The following CFAP46 variants were observed in gnomAD, a reference collection of about 807,000 sequenced individuals.
CFAP46 encodes the protein cilia and flagella associated protein 46.
A neutral mutation model predicts 325.7 loss-of-function variants in CFAP46; 245 were observed. That is an observed-to-expected ratio of 0.75 (90% CI 0.68 to 0.84). CFAP46 has a LOEUF of 0.84. CFAP46 is among the 40% of genes least tolerant of loss of function. The pLI, the probability that CFAP46 is intolerant of heterozygous loss-of-function variation, is 0.00. For synonymous variants in CFAP46, 1,523 were observed against 1,495.9 expected, an observed-to-expected ratio of 1.02 and a Z score of -0.42; for missense variants, 3,346 against 3,543.0, an observed-to-expected ratio of 0.94 and a Z score of 1.41.
intron 32 of CFAP46, 164 bp downstream of exon 32, chr10:132,872,512 A>G: frequency 1.1e-6 from 1 of 914,706 alleles, no homozygotes; most frequent in Non-Finnish European, 1.7e-6. Context: ...TCCCGTCCCA[A>G]CCAAAAATAC....
Position 132,812,713 on chromosome 10 carries a change from G to A in CFAP46, c.7501+72C>T. 6.5e-6 allele frequency: 7 copies of A among 1,072,028 alleles called. No individual in the cohort carries two copies. In the South Asian group the frequency reaches 9.2e-5, roughly 14 times the overall value. 66.4% of individuals were successfully genotyped at this position (1,072,028 alleles called of 1,614,324 possible). A position where few individuals can be genotyped will look rare whatever the true frequency, so the allele number is the denominator to read the frequency against. ...GGGGGCAGCACCAGCAGGTGACAGTGGCCCTGCTCTGCCCTCAGGCGGGTT... is the reference window on the plus strand; with the variant it reads ...GGGGGCAGCACCAGCAGGTGACAGTAGCCCTGCTCTGCCCTCAGGCGGGTT... On this transcript the variant is annotated intron_variant, in intron 55 of 57. Transcript: ENST00000368586.
intron 50 of CFAP46, among the ~76,000 whole-genome samples, chr10:132,822,791 CTGTG>C (rs1230113770): frequency 2.7e-5 from 3 of 109,544 alleles, no homozygotes; most frequent in East Asian, 3.1e-4. Context: ...CTTGTGTGTG[CTGTG>C]TGTGTGCTGA....
At chr10:132,849,911 C>T (rs555020812) in intron 41 of CFAP46, among the ~76,000 whole-genome samples, 7 of 152,312 alleles carry the variant, frequency 4.6e-5, no homozygotes, top group Non-Finnish European at 8.8e-5. Context: ...CTGCGGGACA[C>T]ACCAGTTGCG....
chr10:132,871,123 C>T (rs1467868858), intron 32 of CFAP46, among the ~76,000 whole-genome samples: 3 of 151,442 alleles, frequency 2.0e-5, no homozygotes, highest in Non-Finnish European at 4.4e-5. Flanking sequence ...GGTGACAGCA[C>T]ATCTGTTGAC....
chr10:132,903,539 G>GA (rs2135498296), intron 22 of CFAP46, among the ~76,000 whole-genome samples: 1 of 152,374 alleles, frequency 6.6e-6, no homozygotes, highest in South Asian at 2.1e-4. Flanking sequence ...CCCTTAGGCA[G>GA]AATGCGGAGC....
rs1326444251 is a variant in CFAP46 at position 132,892,368 on chromosome 10, T to C, written c.3269A>G (p.Gln1090Arg). ...LLHQWPTADF[Q>R]GGGTTEGYFL... ...ATATCCTTCGGTCGTCCCGCCACCC[T>C]GGAAGTCGGCCGTGGGCCACTGGTG... Residue 1090 changes from glutamine to arginine, a missense_variant, in exon 25 of 58, where the codon CAG (glutamine) becomes CGG (arginine). Physicochemically the swap from Gln to Arg is conservative, Grantham distance 43. Coordinates refer to ENST00000368586, the MANE Select transcript of CFAP46 (RefSeq NM_001200049.3). 1.9e-6 allele frequency: 3 copies of C among 1,550,854 alleles called. No individual in the cohort carries two copies. The highest frequency in any genetic ancestry group is 2.6e-6 in the Non-Finnish European group (3 of 1,147,042).
chr10:132,814,819 TC>T (rs760269357), intron 51 of CFAP46, 24 bp downstream of exon 51: 3 of 1,613,980 alleles, frequency 1.9e-6, no homozygotes, highest in Admixed American at 3.3e-5. Context: ...ACCAGCCCGA[TC>T]CCCTATCACA....
rs374332810 is a variant in CFAP46 at position 132,924,251 on chromosome 10, G to A, written c.1256+445C>T. ...CTGATGCCTGCCGCCTGCCTGCCATGGTCCACCGTGATGCCTGCCGCCTGC... is the reference window on the plus strand; with the variant it reads ...CTGATGCCTGCCGCCTGCCTGCCATAGTCCACCGTGATGCCTGCCGCCTGC... On this transcript the variant is annotated intron_variant, in intron 11 of 57. Coordinates refer to ENST00000368586, the MANE Select transcript of CFAP46 (RefSeq NM_001200049.3). Among the ~76,000 whole-genome samples the A allele has an allele frequency of 2.7e-3, 408 of 149,942 alleles. 1 individual carries two copies. Among genetic ancestry groups the A allele is most frequent in the African/African-American group, 9.4e-3 (383 of 40,542 alleles).
In CFAP46 at chr10:132,919,542, G is replaced by A. The variant is rs1849689103; in HGVS notation, c.1731-100C>T. 7.0e-7 allele frequency: 1 copy of A among 1,429,698 alleles called. No individual in the cohort carries two copies. 88.6% of individuals were successfully genotyped at this position (1,429,698 alleles called of 1,614,324 possible). A position where few individuals can be genotyped will look rare whatever the true frequency, so the allele number is the denominator to read the frequency against. On this transcript the variant is annotated intron_variant, in intron 14 of 57. Transcript: ENST00000368586. This position sits in a 1 kb window ranked among gnomAD's most constrained non-coding sequence, Gnocchi z 9.7. ...TGGCTGCCTGAGAAAAGGCCACTGTGGCTCTGCAGTTTCAAGGTGGCAAGG... is the reference window on the plus strand; with the variant it reads ...TGGCTGCCTGAGAAAAGGCCACTGTAGCTCTGCAGTTTCAAGGTGGCAAGG...
At chr10:132,845,852 C>T (rs1591048774) in intron 44 of CFAP46, among the ~76,000 whole-genome samples, 1 of 152,294 alleles carries the variant, frequency 6.6e-6, no homozygotes. Flanking sequence ...CCACGTGGGC[C>T]GTTACTACCC....
In CFAP46 at chr10:132,920,154, G is replaced by A. The variant is rs1335069048; in HGVS notation, c.1635C>T (p.Phe545=). The A allele has an allele frequency of 4.5e-6, 7 of 1,546,738 alleles. No homozygotes were observed. Among genetic ancestry groups the A allele is most frequent in the Non-Finnish European group, 6.1e-6 (7 of 1,145,608 alleles). Reference sequence around the variant, plus strand: ...GCCACGCCTTCGCACAGAGGTAGGTGAACCGGCCCCTGTTCTTCCCGGTGG... The same window carrying A: ...GCCACGCCTTCGCACAGAGGTAGGTAAACCGGCCCCTGTTCTTCCCGGTGG... ...KVSTGKNRGR[F]TYLCAKAWHH... is the part of the protein sequence containing the mutation. The change falls in exon 14 of 58, where the codon TTC becomes TTT. Residue 545 remains phenylalanine, a synonymous_variant. Transcript: ENST00000368586.
At position 132,924,823 on chromosome 10, in the gene CFAP46, G is replaced by T. The variant is rs1490344304; in HGVS notation, c.1129C>A (p.Pro377Thr). 6.8e-6 allele frequency: 10 copies of T among 1,462,206 alleles called. No individual in the cohort carries two copies. Among genetic ancestry groups the T allele is most frequent in the Non-Finnish European group, 9.1e-6 (10 of 1,102,384 alleles). The allele number at this position is 1,462,206 out of a possible 1,614,324, so 90.6% of individuals were successfully genotyped here. The stretch of plus-strand genomic sequence containing the variant: ...GCGCACACCACGTGGATGACCCGGG[G>T]GTCGCCCAGGCGCACGGCTCGCTGC... ...ALQRAVRLGD[P>T]RVIHVVCATQ... Residue 377 changes from proline (P) to threonine (T), a missense_variant, in exon 11 of 58, where the codon CCC (proline) becomes ACC (threonine). By Grantham distance (38) the Pro-to-Thr change is conservative. Coordinates refer to ENST00000368586, the MANE Select transcript of CFAP46 (RefSeq NM_001200049.3).
chr10:132,853,162 C>T (rs1313505460), intron 39 of CFAP46, among the ~76,000 whole-genome samples: 1 of 152,190 alleles, frequency 6.6e-6, no homozygotes, highest in Non-Finnish European at 1.5e-5. Context: ...CTTTCTCCCA[C>T]AATTGTGACG....
At position 132,814,672 on chromosome 10, in the gene CFAP46, C is replaced by T. The variant is rs1847655731; in HGVS notation, c.7249+14G>A. The T allele has an allele frequency of 6.3e-6, 10 of 1,592,534 alleles. No individual in the cohort carries two copies. Among genetic ancestry groups the T allele is most frequent in the Non-Finnish European group, 8.6e-6 (10 of 1,169,500 alleles). On this transcript the variant is annotated intron_variant, in intron 52 of 57. Coordinates refer to ENST00000368586, the MANE Select transcript of CFAP46 (RefSeq NM_001200049.3). ...GCGGGGTCTGGGGCCCCCCCGGGGC[C>T]CATCAAAGGATACACTTGAAGTTGT...
chr10:132,872,922 A>G (rs1848913245), intron 31 of CFAP46, 98 bp from the exon 32 acceptor site: 2 of 1,378,152 alleles, frequency 1.5e-6, no homozygotes, highest in African/African-American at 2.9e-5. Flanking sequence ...TCCCCATGCC[A>G]GCACATGTCT....
rs557675150 is a variant in CFAP46 at position 132,889,665 on chromosome 10, T to A, written c.3304+2668A>T. On this transcript the variant is annotated intron_variant, in intron 25 of 57. Coordinates refer to ENST00000368586, the MANE Select transcript of CFAP46 (RefSeq NM_001200049.3). This position sits in a 1 kb window ranked among gnomAD's most constrained non-coding sequence, Gnocchi z 6.0. ...TGGGACCACCCAGTACACATCCAAT[T>A]CACGGGCGGAGGCACTGCAGCCGGA... Among the ~76,000 whole-genome samples the A allele has an allele frequency of 6.6e-6, 1 of 152,232 alleles. No individual in the cohort carries two copies. Among genetic ancestry groups the A allele is most frequent in the South Asian group, 2.1e-4 (1 of 4,814 alleles).
chr10:132,848,170 A>C (rs1318463442), intron 41 of CFAP46, among the ~76,000 whole-genome samples: 1 of 152,204 alleles, frequency 6.6e-6, no homozygotes, highest in African/African-American at 2.4e-5. Context: ...ATTAAACAGG[A>C]AGTCAGTCAT....
chr10:132,815,307 A>G lies in CFAP46; in HGVS notation c.7118-393T>C, dbSNP rs114310124. Among the ~76,000 whole-genome samples, 606 of 152,260 alleles carry G rather than the reference A, an allele frequency of 4.0e-3. 5 individuals carry two copies. Among genetic ancestry groups the G allele is most frequent in the African/African-American group, 0.014 (572 of 41,552 alleles). On this transcript the variant is annotated intron_variant, in intron 50 of 57. Coordinates refer to ENST00000368586, the MANE Select transcript of CFAP46 (RefSeq NM_001200049.3). ...TTTTGCAGGCTCTGAGTAGATAGTCATGTGCCTGGGAAGGATGGCCACTTC... is the reference window on the plus strand; with the variant it reads ...TTTTGCAGGCTCTGAGTAGATAGTCGTGTGCCTGGGAAGGATGGCCACTTC...
rs770050239 is a variant in CFAP46, at chr10:132,867,490, G to C, written c.4628C>G (p.Ala1543Gly). The C allele has an allele frequency of 1.3e-6, 2 of 1,549,994 alleles. No homozygotes were observed. The highest frequency in any genetic ancestry group is 2.4e-5 in the East Asian group (1 of 40,910). ...CTCCTTATTTTTCTCTTTTTTCAAC[G>C]CGATCTCTTTTCTGCAGCTAATGCG... ...LEQASCRKEI[A>G]LKKEKNKEPL... The change falls in exon 34 of 58, where the codon GCG becomes GGG. Residue 1543 changes from alanine to glycine, a missense_variant. Transcript: ENST00000368586.
Sources: allele counts gnomAD v4.1 joint callset (sites outside exome capture counted in the v4.1 genomes callset), GRCh38; gene constraint gnomAD v4.1.1; non-coding constraint Gnocchi (gnomAD v3.1); transcripts MANE v1.5; gene names NCBI Gene and HGNC (gene_info 2026-07-23, HGNC 2026-07-21).